KIAA1671: variants seen among roughly 807,000 people sequenced by gnomAD.
KIAA1671 encodes the protein uncharacterized protein KIAA1671.
Under a neutral mutation model 131.2 loss-of-function variants are expected in KIAA1671, and 52 were observed. The observed-to-expected ratio is 0.40, with a 90% confidence interval of 0.32 to 0.50. The LOEUF is 0.50. Ranked by LOEUF, KIAA1671 falls within the 20% of genes least tolerant of loss-of-function variation. The probability of loss-of-function intolerance (pLI) is 0.73; values close to 1 mark genes in which losing one functional copy is unlikely to be tolerated. For missense variants in KIAA1671, 2,360 were observed against 2,364.2 expected, an observed-to-expected ratio of 1.00 and a Z score of 0.04; for synonymous variants, 1,003 against 961.6, an observed-to-expected ratio of 1.04 and a Z score of -0.80.
chr22:25,031,173 C>T (rs10428031), intron 3 of KIAA1671, among the ~76,000 whole-genome samples: 53,557 of 149,166 alleles, frequency 0.36, 11,576 homozygotes, highest in African/African-American at 0.6. Flanking sequence ...ATTACAGGCA[C>T]GCGCCACCAC....
intron 4 of KIAA1671, among the ~76,000 whole-genome samples, chr22:25,035,710 G>T (rs983934965): frequency 6.6e-6 from 1 of 152,162 alleles, no homozygotes; most frequent in African/African-American, 2.4e-5. Context: ...TGTGTGTGGC[G>T]AGAGTGGCAA....
At position 25,039,760 on chromosome 22, in the gene KIAA1671, G is replaced by T; in HGVS notation, c.2630G>T (p.Gly877Val). The T allele has an allele frequency of 2.0e-6, 3 of 1,496,470 alleles. No homozygotes were observed. The highest frequency in any genetic ancestry group is 1.4e-5 in the African/African-American group (1 of 71,818). The allele number at this position is 1,496,470 out of a possible 1,614,324, so 92.7% of individuals were successfully genotyped here. A position where few individuals can be genotyped will look rare whatever the true frequency, so the allele number is the denominator to read the frequency against. Residue 877 changes from glycine to valine, a missense_variant, in exon 5 of 13, where the codon GGC becomes GTC. Gly to Val is a moderately radical substitution (Grantham distance 109). Transcript: ENST00000358431. ...AGCAAGCCAGGAGTGGGAGCAAGGG[G>T]CCCACCCCAGGGATGCCCCCTCGAT... ...ARSKPGVGAR[G>V]PPQGCPLDPL...
At chr22:25,015,836 C>G (rs1925283080) in intron 1 of KIAA1671, among the ~76,000 whole-genome samples, 3 of 119,558 alleles carry the variant, frequency 2.5e-5, no homozygotes, top group African/African-American at 9.3e-5. Context: ...ATGTACCGCA[C>G]TCTGATGGAA....
intron 1 of KIAA1671, among the ~76,000 whole-genome samples, chr22:25,004,338 ACTC>A (rs1924629277): frequency 6.6e-6 from 1 of 151,162 alleles, no homozygotes; most frequent in Non-Finnish European, 1.5e-5. Flanking sequence ...CTGATCCTGA[ACTC>A]CTGGCCTCAA....
At chr22:25,146,563 G>A (rs1228459531) in intron 6 of KIAA1671, among the ~76,000 whole-genome samples, 2 of 152,220 alleles carry the variant, frequency 1.3e-5, no homozygotes, top group African/African-American at 4.8e-5. Flanking sequence ...AACTTAGGAA[G>A]TGACATTGAG....
At chr22:25,073,695 C>T (rs1290596028) in intron 6 of KIAA1671, among the ~76,000 whole-genome samples, 4 of 152,198 alleles carry the variant, frequency 2.6e-5, no homozygotes, top group African/African-American at 9.6e-5. Context: ...CCCTCTGCCC[C>T]ATTCTGGGTT....
intron 6 of KIAA1671, among the ~76,000 whole-genome samples, chr22:25,129,531 T>G (rs1201853441): frequency 1.3e-5 from 2 of 151,388 alleles, no homozygotes; most frequent in South Asian, 2.1e-4. Flanking sequence ...ACCCACAGAT[T>G]CTGGAGCCAG....
chr22:25,158,892 G>A (rs2145990575), intron 6 of KIAA1671, among the ~76,000 whole-genome samples: 1 of 152,310 alleles, frequency 6.6e-6, no homozygotes, highest in South Asian at 2.1e-4. Flanking sequence ...CTGTGAAATG[G>A]GGATATTAAC....
chr22:25,052,515 A>G (rs1927591430), intron 6 of KIAA1671: 1 of 152,152 alleles, frequency 6.6e-6, no homozygotes, highest in African/African-American at 2.4e-5. Flanking sequence ...CACTTCACAG[A>G]TGGGCAAACT....
chr22:25,098,002 G>T (rs553530047), intron 6 of KIAA1671, among the ~76,000 whole-genome samples: 17 of 152,106 alleles, frequency 1.1e-4, no homozygotes, highest in Non-Finnish European at 1.9e-4. Flanking sequence ...CAAGGAGGAG[G>T]GTGCATCACG....
chr22:25,101,207 G>C (rs947137762), intron 6 of KIAA1671, among the ~76,000 whole-genome samples: 2 of 152,198 alleles, frequency 1.3e-5, no homozygotes, highest in African/African-American at 4.8e-5. Context: ...CAGAACCACC[G>C]GGTGGCCCAG....
chr22:25,067,215 C>A (rs1014304606), intron 6 of KIAA1671, among the ~76,000 whole-genome samples: 1 of 152,020 alleles, frequency 6.6e-6, no homozygotes, highest in Admixed American at 6.6e-5. Context: ...CCTCCCCACA[C>A]CCCCCACCTG....
chr22:25,029,332 C>G lies in KIAA1671; in HGVS notation c.1333C>G (p.Arg445Gly). Residue 445 changes from arginine to glycine, a missense_variant, in exon 3 of 13, where the codon CGG (arginine) becomes GGG (glycine). Coordinates refer to ENST00000358431, the MANE Select transcript of KIAA1671 (RefSeq NM_001145206.2). ...TGTCAGGAAGTGCATCAGCCTGTTT[C>G]GGGAGGACAGCACCTTGGCCTTGGC... Reference protein sequence around the residue: ...RSVRKCISLFREDSTLALAVG... With the variant: ...RSVRKCISLFGEDSTLALAVG... The G allele has an allele frequency of 1.3e-6, 2 of 1,546,834 alleles. No individual in the cohort carries two copies. The highest frequency in any genetic ancestry group is 2.4e-5 in the East Asian group (1 of 40,854).
intron 7 of KIAA1671, among the ~76,000 whole-genome samples, chr22:25,171,397 C>A (rs1415465501): frequency 6.6e-6 from 1 of 150,770 alleles, no homozygotes; most frequent in African/African-American, 2.4e-5. Flanking sequence ...GAGCAAGACT[C>A]CGTCTCAAAA....
intron 1 of KIAA1671, among the ~76,000 whole-genome samples, chr22:24,981,627 C>T (rs763061165): frequency 3.3e-5 from 5 of 152,116 alleles, no homozygotes; most frequent in South Asian, 2.1e-4. Context: ...AAGGAAAACT[C>T]GGCCAGGTGC....
chr22:25,178,816 A>C (rs1187906620), intron 9 of KIAA1671, among the ~76,000 whole-genome samples: 1 of 151,666 alleles, frequency 6.6e-6, no homozygotes, highest in Non-Finnish European at 1.5e-5. Context: ...CCGGCTGCAC[A>C]CGCAGGCTCC....
chr22:25,050,991 T>A (rs946213770), intron 6 of KIAA1671: 15 of 152,346 alleles, frequency 9.8e-5, no homozygotes, highest in African/African-American at 3.6e-4. Context: ...GGCATCCTCC[T>A]TGGCCGTCCT....
At chr22:25,140,759 A>C (rs1319493960) in intron 6 of KIAA1671, among the ~76,000 whole-genome samples, 1 of 152,188 alleles carries the variant, frequency 6.6e-6, no homozygotes, top group East Asian at 1.9e-4. Context: ...ATTGGGACTT[A>C]TTCTGTGTAT....
chr22:25,125,926 AT>A (rs940457925), intron 6 of KIAA1671, among the ~76,000 whole-genome samples: 14 of 152,106 alleles, frequency 9.2e-5, no homozygotes, highest in African/African-American at 3.4e-4. Context: ...TCCTGGTGTA[AT>A]TTTGGGCAAG....
Sources: allele counts gnomAD v4.1 joint callset (sites outside exome capture counted in the v4.1 genomes callset), GRCh38; gene constraint gnomAD v4.1.1; transcripts MANE v1.5; gene names NCBI Gene and HGNC (gene_info 2026-07-23, HGNC 2026-07-21).